HNF4A: variants seen among roughly 807,000 people sequenced by gnomAD.
The protein encoded by HNF4A is hepatocyte nuclear factor 4-alpha.
In HNF4A, 15 loss-of-function variants were observed where a neutral mutation model predicts 52.4. The ratio of observed to expected loss-of-function variants is 0.29; its 90% CI spans 0.19 to 0.44. The LOEUF is 0.44. Ranked by LOEUF, HNF4A falls within the 20% of genes least tolerant of loss-of-function variation. HNF4A has a pLI of 1.00. For missense variants in HNF4A, 479 were observed against 647.2 expected, an observed-to-expected ratio of 0.74 and a Z score of 2.82; for synonymous variants, 280 against 264.4, an observed-to-expected ratio of 1.06 and a Z score of -0.57.
chr20:44,398,513 G>A (rs1459752800), upstream of HNF4A, among the ~76,000 whole-genome samples: 2 of 152,228 alleles, frequency 1.3e-5, no homozygotes, highest in African/African-American at 4.8e-5. Context: ...TGAGGAATGT[G>A]TATCTAGGAG....
chr20:44,398,005 T>C (rs2063368868), upstream of HNF4A, among the ~76,000 whole-genome samples: 1 of 152,214 alleles, frequency 6.6e-6, no homozygotes, highest in East Asian at 1.9e-4. Flanking sequence ...TTCTTTCTCC[T>C]TATCTAACAT....
At chr20:44,393,524 C>G (rs1418275205) in intron 1 of HNF4A, among the ~76,000 whole-genome samples, 1 of 152,210 alleles carries the variant, frequency 6.6e-6, no homozygotes, top group African/African-American at 2.4e-5. Flanking sequence ...ACAGACTGCC[C>G]AAGTTCCAAT....
At chr20:44,361,534 G>T (rs145965662) in intron 1 of HNF4A, among the ~76,000 whole-genome samples, 2 of 152,244 alleles carry the variant, frequency 1.3e-5, no homozygotes, top group African/African-American at 4.8e-5. Flanking sequence ...GGTGGCTCAT[G>T]CCTGTAATCC....
rs2146498448 is a variant in HNF4A at position 44,431,290 on chromosome 20, G to A, written c.*1625G>A. The A allele has an allele frequency of 6.6e-6, 1 of 152,336 alleles. No homozygotes were observed. Among genetic ancestry groups the A allele is most frequent in the East Asian group, 1.9e-4 (1 of 5,306 alleles). The allele number at this position is 152,336 out of a possible 1,614,324, so 9.4% of individuals were successfully genotyped here. A position where few individuals can be genotyped will look rare whatever the true frequency, so the allele number is the denominator to read the frequency against. On this transcript the variant is annotated 3_prime_UTR_variant, in exon 10 of 10. Coordinates refer to ENST00000316099, the MANE Select transcript of HNF4A (RefSeq NM_000457.6). ...CTCAGAAACCAGACTCGTTCTTCTG[G>A]GAACCCTGCCCACTCCCAGGACCAA...
At chr20:44,429,454 G>T (rs1279639229) in intron 9 of HNF4A, 69 bp from the exon 10 acceptor site, 16 of 1,595,592 alleles carry the variant, frequency 1.0e-5, no homozygotes, top group Admixed American at 1.7e-5. Context: ...AACTTTCCCG[G>T]GCCTCTTCAT....
intron 6 of HNF4A, 138 bp downstream of exon 6, chr20:44,418,650 A>G (rs1318408575): frequency 1.5e-6 from 1 of 676,536 alleles, no homozygotes; most frequent in East Asian, 2.7e-5. Context: ...TCAGGCTTGC[A>G]TTAGAGGGCT....
chr20:44,406,280 C>A, intron 2 of HNF4A, 48 bp downstream of exon 2: 1 of 1,563,388 alleles, frequency 6.4e-7, no homozygotes, highest in South Asian at 1.1e-5. Flanking sequence ...CACTTGGGCT[C>A]ATGGCCCCAA....
chr20:44,387,651 C>T (rs1485500218), intron 1 of HNF4A, among the ~76,000 whole-genome samples: 1 of 9,500 alleles, frequency 1.1e-4, no homozygotes, highest in Non-Finnish European at 2.0e-4. Flanking sequence ...GGGGTGGAGG[C>T]AGGCGGGGGG....
intron 1 of HNF4A, among the ~76,000 whole-genome samples, chr20:44,369,215 T>C (rs1416584098): frequency 8.1e-6 from 1 of 123,746 alleles, no homozygotes; most frequent in Non-Finnish European, 1.6e-5. Flanking sequence ...CGCCATTGCA[T>C]TCCAGCCTGG....
At chr20:44,365,605 G>A (rs187105045) in intron 1 of HNF4A, among the ~76,000 whole-genome samples, 1 of 152,258 alleles carries the variant, frequency 6.6e-6, no homozygotes, top group Non-Finnish European at 1.5e-5. Flanking sequence ...CACTATACTA[G>A]TCTTTCAAAC....
At chr20:44,371,654 A>G (rs898737760) in intron 1 of HNF4A, among the ~76,000 whole-genome samples, 6 of 152,058 alleles carry the variant, frequency 3.9e-5, no homozygotes, top group Non-Finnish European at 5.9e-5. Context: ...GGGAAATCCC[A>G]TCTCTACTAA....
intron 1 of HNF4A, among the ~76,000 whole-genome samples, chr20:44,402,050 G>A (rs944696386): frequency 3.3e-5 from 5 of 152,100 alleles, no homozygotes; most frequent in Non-Finnish European, 7.4e-5. Context: ...TGTGTTGTGT[G>A]TGCGTTCGTG....
intron 1 of HNF4A, among the ~76,000 whole-genome samples, chr20:44,383,407 A>G (rs978358364): frequency 6.6e-6 from 1 of 152,220 alleles, no homozygotes; most frequent in Non-Finnish European, 1.5e-5. Flanking sequence ...CAGCTAGTCC[A>G]TGACTGAACC....
chr20:44,381,105 T>C (rs1000629181), intron 1 of HNF4A, among the ~76,000 whole-genome samples: 4 of 152,176 alleles, frequency 2.6e-5, no homozygotes, highest in African/African-American at 9.7e-5. Context: ...ACCATTTAGC[T>C]TGGGCTTAAT....
At chr20:44,391,046 C>G (rs571271390) in intron 1 of HNF4A, among the ~76,000 whole-genome samples, 1 of 152,278 alleles carries the variant, frequency 6.6e-6, no homozygotes, top group East Asian at 1.9e-4. Context: ...AGAGGGAACC[C>G]TGAAGTTCCC....
intron 1 of HNF4A, among the ~76,000 whole-genome samples, chr20:44,358,143 C>A (rs867066496): frequency 0.013 from 1,611 of 127,600 alleles, 27 homozygotes; most frequent in African/African-American, 0.042. Context: ...AAAAAAAAAA[C>A]AAAACAAAAA....
chr20:44,381,384 G>T (rs1438154586), intron 1 of HNF4A, among the ~76,000 whole-genome samples: 1 of 149,956 alleles, frequency 6.7e-6, no homozygotes, highest in East Asian at 2.0e-4. Flanking sequence ...GGGTTCAAAT[G>T]ATTCTCCTGT....
chr20:44,363,856 C>T (rs540914551), intron 1 of HNF4A, among the ~76,000 whole-genome samples: 51 of 152,062 alleles, frequency 3.4e-4, no homozygotes, highest in African/African-American at 1.1e-3. Context: ...GCCACCACAC[C>T]TGACAAATTT....
At chr20:44,410,259 G>A (rs1037139453) in intron 3 of HNF4A, among the ~76,000 whole-genome samples, 1 of 152,232 alleles carries the variant, frequency 6.6e-6, no homozygotes, top group African/African-American at 2.4e-5. Context: ...TCCTGGCCCA[G>A]GGAAACGGAC....
Sources: gnomAD v4.1 joint callset for allele counts (sites outside exome capture counted in the v4.1 genomes callset) on GRCh38, gnomAD v4.1.1 for gene constraint, MANE v1.5 for transcripts, NCBI Gene and HGNC (gene_info 2026-07-23, HGNC 2026-07-21) for gene names.